The following CENPU variants were observed in gnomAD, a reference collection of about 807,000 sequenced individuals.
CENPU encodes KSHV latent nuclear antigen interacting protein 1.
Under a neutral mutation model 56.7 loss-of-function variants are expected in CENPU, and 46 were observed. The observed-to-expected ratio is 0.81, with a 90% confidence interval of 0.64 to 1.04. The LOEUF (loss-of-function observed/expected upper bound fraction) is 1.04. CENPU is among the 50% of genes least tolerant of loss of function. The pLI is 0.00. For synonymous variants in CENPU, 166 were observed against 163.0 expected (o/e 1.02, Z -0.14); for missense variants, 510 against 490.1 (o/e 1.04, Z -0.38).
intron 8 of CENPU, among the ~76,000 whole-genome samples, chr4:184,707,099 AAAG>A (rs1047028223): frequency 6.6e-6 from 1 of 151,278 alleles, no homozygotes; most frequent in African/African-American, 2.5e-5. Context: ...TCTGGAATAT[AAAG>A]AAGAGTAAAA....
intron 7 of CENPU, among the ~76,000 whole-genome samples, chr4:184,711,510 T>C (rs1434472179): frequency 2.6e-5 from 4 of 152,154 alleles, no homozygotes; most frequent in Non-Finnish European, 5.9e-5. Context: ...CCTGAACTTA[T>C]ACCTCCTATC....
chr4:184,724,180 G>A lies in CENPU; in HGVS notation c.320+777C>T, dbSNP rs544987884. Among the ~76,000 whole-genome samples, 10 of 151,838 alleles carry A rather than the reference G, an allele frequency of 6.6e-5. No homozygotes were observed. In the East Asian group the frequency reaches 1.9e-3, roughly 30 times the overall value. ...ACTCGGGAGGCTGAGGCAGGAGAAT[G>A]GCGTGAACCCGGGAGGTGGAGCTTG... On this transcript the variant is annotated intron_variant, in intron 4 of 12. Coordinates refer to ENST00000281453, the MANE Select transcript of CENPU (RefSeq NM_024629.4).
chr4:184,701,163 T>TGTAAA (rs1470595823), intron 10 of CENPU, among the ~76,000 whole-genome samples: 1 of 152,176 alleles, frequency 6.6e-6, no homozygotes, highest in Non-Finnish European at 1.5e-5. Context: ...TACTGGACCC[T>TGTAAA]GTGACCTGTA....
In CENPU at chr4:184,697,613, T is replaced by C. The variant is rs1760383513; in HGVS notation, c.1143+34A>G. Reference sequence around the variant, plus strand: ...TGAAAATGCCCTCCCACAATCATCTTCTGAAGCATGGTAAAAAGTAAAATT... The same window carrying C: ...TGAAAATGCCCTCCCACAATCATCTCCTGAAGCATGGTAAAAAGTAAAATT... On this transcript the variant is annotated intron_variant, in intron 12 of 12. Coordinates refer to ENST00000281453, the MANE Select transcript of CENPU (RefSeq NM_024629.4). 1.9e-6 allele frequency: 3 copies of C among 1,605,790 alleles called. No individual in the cohort carries two copies. The African/African-American group carries it at 4.0e-5, about 21-fold the overall frequency.
rs774238002 is a variant in CENPU, at chr4:184,695,323, T to G, written c.1222A>C (p.Asn408His). ...TCAAGGAGCTTCTCTAACTGATGGT[T>G]GATATTTCGCAGATGGCTTTCGGCT... Reference protein sequence around the residue: ...LGAESHLRNINHQLEKLLDQG With the variant: ...LGAESHLRNIHHQLEKLLDQG The change falls in exon 13 of 13, where the codon AAC becomes CAC. Residue 408 changes from asparagine (N) to histidine (H), a missense_variant. Physicochemically the swap from Asn to His is moderately conservative, Grantham distance 68. Transcript: ENST00000281453. 2.5e-6 allele frequency: 4 copies of G among 1,613,534 alleles called. No individual in the cohort carries two copies. The highest frequency in any genetic ancestry group is 2.2e-5 in the South Asian group (2 of 91,088).
At position 184,694,457 on chromosome 4, in the gene CENPU, A is replaced by G; in HGVS notation, c.*831T>C. 1 of 1,553,586 alleles carries G rather than the reference A, an allele frequency of 6.4e-7. No individual in the cohort carries two copies. Among genetic ancestry groups the G allele is most frequent in the Non-Finnish European group, 8.7e-7 (1 of 1,147,766 alleles). ...TTACTTCAACATAGAGTATAAGGTT[A>G]AATCACATATCCTGAGTAAATATTT... is the stretch of plus-strand genomic sequence containing the variant. On this transcript the variant is annotated 3_prime_UTR_variant, in exon 13 of 13. Transcript: ENST00000281453.
Position 184,716,450 on chromosome 4 carries a change from G to C in CENPU, c.565C>G (p.Leu189Val). The C allele has an allele frequency of 5.6e-6, 9 of 1,614,170 alleles. No individual in the cohort carries two copies. The highest frequency in any genetic ancestry group is 7.6e-6 in the Non-Finnish European group (9 of 1,180,038). The change falls in exon 6 of 13, where the codon CTT (leucine) becomes GTT (valine). Residue 189 changes from leucine to valine, a missense_variant. Transcript: ENST00000281453. ...TTTTCAACAGAGGGCTGGGCACTAA[G>C]GGGTCCTGTCTTTTTAGAAGTGACA... ...ESVTSKKTGP[L>V]SAQPSVEKEN...
intron 2 of CENPU, 99 bp downstream of exon 2, chr4:184,730,821 T>C (rs908955510): frequency 2.1e-5 from 17 of 800,492 alleles, no homozygotes; most frequent in South Asian, 5.6e-5. Context: ...ACAATAAACA[T>C]TGAACTTGCC....
chr4:184,730,646 GA>G (rs1761607816), intron 2 of CENPU, among the ~76,000 whole-genome samples: 1 of 151,626 alleles, frequency 6.6e-6, no homozygotes, highest in Non-Finnish European at 1.5e-5. Flanking sequence ...GGCTTTAAGT[GA>G]AAAAAGCTTA....
At chr4:184,712,749 AC>A (rs1208330020) in intron 7 of CENPU, among the ~76,000 whole-genome samples, 194 bp downstream of exon 7, 1 of 152,150 alleles carries the variant, frequency 6.6e-6, no homozygotes, top group Non-Finnish European at 1.5e-5. Flanking sequence ...AATTTTTTTC[AC>A]CTTAGTTGCA....
chr4:184,710,174 G>A lies in CENPU; in HGVS notation c.695C>T (p.Ser232Phe), dbSNP rs1481705815. ...TGGACACCAAATGTGCACAATGTCAGAAGTATCTAAAATATTAAGATAAGT... is the reference window on the plus strand; with the variant it reads ...TGGACACCAAATGTGCACAATGTCAAAAGTATCTAAAATATTAAGATAAGT... ...SRSKAIGSDT[S>F]DIVHIWCPEG... Residue 232 changes from serine to phenylalanine, a missense_variant, in exon 8 of 13, where the codon TCT becomes TTT. Physicochemically the swap from Ser to Phe is radical, Grantham distance 155. Coordinates refer to ENST00000281453, the MANE Select transcript of CENPU (RefSeq NM_024629.4). The A allele has an allele frequency of 1.9e-6, 3 of 1,596,962 alleles. No individual in the cohort carries two copies. The highest frequency in any genetic ancestry group is 2.7e-5 in the African/African-American group (2 of 74,546).
At chr4:184,703,037 A>G (rs1760593093) in intron 8 of CENPU, among the ~76,000 whole-genome samples, 1 of 152,166 alleles carries the variant, frequency 6.6e-6, no homozygotes, top group African/African-American at 2.4e-5. Context: ...AACATATGAG[A>G]GCACCATTTT....
intron 8 of CENPU, among the ~76,000 whole-genome samples, chr4:184,707,882 TA>T (rs1760780452): frequency 6.6e-6 from 1 of 152,236 alleles, no homozygotes; most frequent in East Asian, 1.9e-4. Context: ...ACAGATATTC[TA>T]AGGAAGATAT....
chr4:184,694,716 C>CAGTT lies in CENPU; in HGVS notation c.*568_*571dup. 6.2e-7 allele frequency: 1 copy of CAGTT among 1,612,994 alleles called. No individual in the cohort carries two copies. The highest frequency in any genetic ancestry group is 8.5e-7 in the Non-Finnish European group (1 of 1,178,962). ...CTGAAGCTGCAGAGAACAGTCTTCT[C>CAGTT]AGTTATAACAGTGAAGTGGATGAAA... is the stretch of plus-strand genomic sequence containing the variant. On this transcript the variant is annotated 3_prime_UTR_variant, in exon 13 of 13. Coordinates refer to ENST00000281453, the MANE Select transcript of CENPU (RefSeq NM_024629.4).
intron 5 of CENPU, 37 bp from the exon 6 acceptor site, chr4:184,716,670 A>G: frequency 6.9e-7 from 1 of 1,451,780 alleles, no homozygotes. Flanking sequence ...TTATGTAGAA[A>G]ATAGAAATGC....
At position 184,694,324 on chromosome 4, in the gene CENPU, CTG is replaced by C; in HGVS notation, c.*962_*963del. 7.4e-7 allele frequency: 1 copy of C among 1,347,306 alleles called. No individual in the cohort carries two copies. The allele number at this position is 1,347,306 out of a possible 1,614,324, so 83.5% of individuals were successfully genotyped here. A position where few individuals can be genotyped will look rare whatever the true frequency, so the allele number is the denominator to read the frequency against. ...TTCAAATTTGGAGTTTCAAGTGTGT[CTG>C]AGCTTCAGTGCAGCAACGTTTGAAT... On this transcript the variant is annotated 3_prime_UTR_variant, in exon 13 of 13. Transcript: ENST00000281453.
chr4:184,700,895 T>C lies in CENPU; in HGVS notation c.925-14A>G, dbSNP rs768979018. ...ATCTGAAATCATCTAAGTAACACAA[T>C]CATTTGTGTTAAAATTAATTTGTAA... On this transcript the variant is annotated splice_polypyrimidine_tract_variant and intron_variant, in intron 10 of 12. Transcript: ENST00000281453. The C allele has an allele frequency of 1.3e-6, 2 of 1,592,172 alleles. No homozygotes were observed. The highest frequency in any genetic ancestry group is 2.2e-5 in the East Asian group (1 of 44,832).
At chr4:184,721,659 G>A (rs943692994) in intron 4 of CENPU, among the ~76,000 whole-genome samples, 20 of 151,956 alleles carry the variant, frequency 1.3e-4, no homozygotes, top group Non-Finnish European at 1.0e-4. Flanking sequence ...AGACAAAGAA[G>A]GTCACTACAT....
chr4:184,704,119 C>T (rs993270120), intron 8 of CENPU, among the ~76,000 whole-genome samples: 1 of 151,736 alleles, frequency 6.6e-6, no homozygotes, highest in Non-Finnish European at 1.5e-5. Context: ...CTCACTCTGT[C>T]ACCCCCGCTG....
Sources: gnomAD v4.1 joint callset for allele counts (sites outside exome capture counted in the v4.1 genomes callset) on GRCh38, gnomAD v4.1.1 for gene constraint, MANE v1.5 for transcripts, NCBI Gene and HGNC (gene_info 2026-07-23, HGNC 2026-07-21) for gene names.